Variants in TTC7B observed in about 807,000 individuals in gnomAD.
TTC7B encodes the protein tetratricopeptide repeat protein 7B.
In TTC7B, 28 loss-of-function variants were observed where a neutral mutation model predicts 106.8. The observed-to-expected ratio is 0.26, with a 90% CI of 0.19 to 0.36. The LOEUF is 0.36. TTC7B is among the 10% of genes least tolerant of loss of function. The pLI is 1.00. For missense variants in TTC7B, 862 were observed against 1,076.4 expected (o/e 0.80, Z 2.79); for synonymous variants, 405 against 430.6 (o/e 0.94, Z 0.74).
chr14:90,720,307 A>G (rs1437991631), intron 5 of TTC7B, among the ~76,000 whole-genome samples: 1 of 152,142 alleles, frequency 6.6e-6, no homozygotes, highest in Non-Finnish European at 1.5e-5. Context: ...AGAAATGGGT[A>G]CCTTTCCTCC....
intron 3 of TTC7B, among the ~76,000 whole-genome samples, chr14:90,753,563 G>A (rs898898656): frequency 2.0e-5 from 3 of 152,224 alleles, no homozygotes; most frequent in Non-Finnish European, 2.9e-5. Flanking sequence ...GCCCTGTGCA[G>A]GGGTGTAGAG....
At chr14:90,637,064 A>C (rs1884976096) in intron 15 of TTC7B, among the ~76,000 whole-genome samples, 2 of 151,982 alleles carry the variant, frequency 1.3e-5, no homozygotes, top group African/African-American at 4.8e-5. Context: ...TGAAAGAGAA[A>C]GTAAACCCAC....
Position 90,730,081 on chromosome 14 carries a change from T to C in TTC7B, c.692A>G (p.Lys231Arg). 6.2e-7 allele frequency: 1 copy of C among 1,600,896 alleles called. No individual in the cohort carries two copies. The highest frequency in any genetic ancestry group is 1.7e-4 in the Middle Eastern group (1 of 5,960). Residue 231 changes from lysine (K) to arginine (R), a missense_variant, in exon 5 of 20, where the codon AAA (lysine) becomes AGA (arginine). By Grantham distance (26) the Lys-to-Arg change is conservative. Coordinates refer to ENST00000328459, the MANE Select transcript of TTC7B (RefSeq NM_001010854.2). ...GLQRAHVLYF[K>R]NGNLTRGVGR... ...AAAAATGAAGATGGCTTACCCATTTTTGAAATAGAGGACATGGGCTCTCTG... is the reference window on the plus strand; with the variant it reads ...AAAAATGAAGATGGCTTACCCATTTCTGAAATAGAGGACATGGGCTCTCTG...
chr14:90,710,814 T>C (rs960796361), intron 5 of TTC7B, among the ~76,000 whole-genome samples: 2 of 152,218 alleles, frequency 1.3e-5, no homozygotes, highest in Non-Finnish European at 2.9e-5. Flanking sequence ...CTTAACAGAA[T>C]ACAGTATAGT....
chr14:90,708,359 A>G lies in TTC7B; in HGVS notation c.699-12781T>C, dbSNP rs959793043. On this transcript the variant is annotated intron_variant, in intron 5 of 19. Coordinates refer to ENST00000328459, the MANE Select transcript of TTC7B (RefSeq NM_001010854.2). ...CAGAGAAGTCAACGCCTGGCTACAA[A>G]GCTTCAAAGGACAGGCTGACTCTCT... 2.0e-5 allele frequency among the ~76,000 whole-genome samples: 3 copies of G among 152,176 alleles called. No individual in the cohort carries two copies. In the East Asian group the frequency reaches 5.8e-4, roughly 29 times the overall value.
chr14:90,593,375 G>T, intron 18 of TTC7B, 111 bp downstream of exon 18: 1 of 1,412,340 alleles, frequency 7.1e-7, no homozygotes, highest in African/African-American at 1.4e-5. Flanking sequence ...TCCTAATGAG[G>T]GGTGTGGGCT....
chr14:90,597,468 G>C (rs2139826344), intron 17 of TTC7B, among the ~76,000 whole-genome samples: 1 of 152,220 alleles, frequency 6.6e-6, no homozygotes, highest in South Asian at 2.1e-4. Flanking sequence ...GACCAGCCTG[G>C]TCAACATAGT....
intron 5 of TTC7B, among the ~76,000 whole-genome samples, chr14:90,720,702 C>T (rs1413574546): frequency 6.6e-6 from 1 of 152,188 alleles, no homozygotes; most frequent in Non-Finnish European, 1.5e-5. Context: ...AAAATTAACT[C>T]TGACTTTTAG....
At chr14:90,701,485 A>C (rs996249046) in intron 5 of TTC7B, among the ~76,000 whole-genome samples, 12 of 152,000 alleles carry the variant, frequency 7.9e-5, no homozygotes, top group Middle Eastern at 6.8e-3. Flanking sequence ...AGGCGTGCAC[A>C]AGGCCTAAGA....
chr14:90,766,798 G>A, intron 3 of TTC7B: 1 of 1,579,780 alleles, frequency 6.3e-7, no homozygotes, highest in East Asian at 2.2e-5. Flanking sequence ...ACAGAAGGAT[G>A]TAAAGGATGG....
At chr14:90,562,310 C>T (rs1348789712) in intron 19 of TTC7B, among the ~76,000 whole-genome samples, 1 of 152,204 alleles carries the variant, frequency 6.6e-6, no homozygotes, top group African/African-American at 2.4e-5. Flanking sequence ...CTGAGTCAGC[C>T]TCAAACCCTC....
intron 8 of TTC7B, chr14:90,677,929 G>A: frequency 2.4e-6 from 1 of 409,684 alleles, no homozygotes; most frequent in Non-Finnish European, 4.8e-6. Flanking sequence ...TGCTTTTGAA[G>A]ATTTCATTCT....
At chr14:90,637,177 T>C (rs1199248887) in intron 15 of TTC7B, among the ~76,000 whole-genome samples, 1 of 151,916 alleles carries the variant, frequency 6.6e-6, no homozygotes, top group African/African-American at 2.4e-5. Flanking sequence ...CATTAAACAA[T>C]ATTAGAATTG....
At chr14:90,793,311 G>A (rs1286907627) in intron 1 of TTC7B, among the ~76,000 whole-genome samples, 1 of 150,602 alleles carries the variant, frequency 6.6e-6, no homozygotes, top group Non-Finnish European at 1.5e-5. Context: ...ATCACCTGAG[G>A]TCAGGAGTTC....
At chr14:90,619,840 T>C (rs900857226) in intron 15 of TTC7B, among the ~76,000 whole-genome samples, 2 of 152,234 alleles carry the variant, frequency 1.3e-5, no homozygotes, top group Non-Finnish European at 2.9e-5. Context: ...CTGAGTTTGA[T>C]GGGCCTTAAA....
At chr14:90,777,940 C>T (rs1223064751) in intron 3 of TTC7B, among the ~76,000 whole-genome samples, 4 of 152,288 alleles carry the variant, frequency 2.6e-5, no homozygotes, top group East Asian at 3.9e-4. Context: ...ATGCAGTCCT[C>T]GTGACAAGCC....
At chr14:90,705,885 T>C (rs1478343221) in intron 5 of TTC7B, among the ~76,000 whole-genome samples, 2 of 152,204 alleles carry the variant, frequency 1.3e-5, no homozygotes, top group Non-Finnish European at 2.9e-5. Context: ...CCTGAACTGT[T>C]CAGCCTATAG....
chr14:90,659,295 G>GTT lies in TTC7B; in HGVS notation c.1153-910_1153-909dup, dbSNP rs146985420. Among the ~76,000 whole-genome samples the GTT allele has an allele frequency of 1.1e-4, 17 of 149,196 alleles. No individual in the cohort carries two copies. The East Asian group carries it at 2.6e-3, about 23-fold the overall frequency. ...GAGAGAGAGGGAGAGAAGGGGAGGTGTTTTTTTTTAGGAGAAAGGGAGAAT... is the reference window on the plus strand; with the variant it reads ...GAGAGAGAGGGAGAGAAGGGGAGGTGTTTTTTTTTTTAGGAGAAAGGGAGAAT... On this transcript the variant is annotated intron_variant, in intron 9 of 19. Coordinates refer to ENST00000328459, the MANE Select transcript of TTC7B (RefSeq NM_001010854.2).
intron 19 of TTC7B, among the ~76,000 whole-genome samples, chr14:90,553,149 G>A (rs1432833168): frequency 2.6e-5 from 4 of 152,180 alleles, no homozygotes. Context: ...AGAGCACTGG[G>A]GGGACCAAGG....
Sources: allele counts gnomAD v4.1 joint callset (sites outside exome capture counted in the v4.1 genomes callset), GRCh38; gene constraint gnomAD v4.1.1; transcripts MANE v1.5; gene names NCBI Gene and HGNC (gene_info 2026-07-23, HGNC 2026-07-21).